SLC5A4: variants seen among roughly 807,000 people sequenced by gnomAD.
SLC5A4 encodes solute carrier family 5 member 4.
In SLC5A4, 55 loss-of-function variants were observed where a neutral mutation model predicts 70.3. That is an observed-to-expected ratio of 0.78 (90% CI 0.63 to 0.98). SLC5A4 has a LOEUF of 0.98. Among genes scored for constraint, SLC5A4 ranks in the 50% least tolerant of loss-of-function variants. The pLI, the probability that SLC5A4 is intolerant of heterozygous loss-of-function variation, is 0.00. For missense variants in SLC5A4, 735 were observed against 839.2 expected (o/e 0.88, Z 1.53); for synonymous variants, 268 against 305.7 (o/e 0.88, Z 1.29).
the SLC5A4 span, chr22:32,269,982 TCTC>T: frequency 2.1e-5 from 11 of 515,408 alleles, no homozygotes; most frequent in African/African-American, 1.2e-4. This position sits in a 1 kb window ranked among gnomAD's most constrained non-coding sequence, Gnocchi z 4.1. Context: ...TGGGCAACTC[TCTC>T]CTCCTCAAGT....
chr22:32,218,872 T>G, intron 14 of SLC5A4, 147 bp from the exon 15 acceptor site: 1 of 616,994 alleles, frequency 1.6e-6, no homozygotes, highest in Non-Finnish European at 2.7e-6. Context: ...GTAGATAAAT[T>G]TAATCATATA....
chr22:32,310,728 C>T, the SLC5A4 span, among the ~76,000 whole-genome samples: 4 of 152,272 alleles, frequency 2.6e-5, no homozygotes, highest in African/African-American at 4.8e-5. Context: ...AGCCACTTGA[C>T]CCGGCTGAGT....
chr22:32,342,325 C>T, the SLC5A4 span, among the ~76,000 whole-genome samples: 3 of 152,012 alleles, frequency 2.0e-5, no homozygotes, highest in Non-Finnish European at 2.9e-5. Context: ...AGCCTAAAAC[C>T]ACACAGAATA....
At chr22:32,259,570 A>T (rs1927655318), upstream of SLC5A4, among the ~76,000 whole-genome samples, 1 of 152,180 alleles carries the variant, frequency 6.6e-6, no homozygotes, top group African/African-American at 2.4e-5. Context: ...CTTGGTGTAT[A>T]ATTTAATATG....
At chr22:32,309,034 G>A in the SLC5A4 span, among the ~76,000 whole-genome samples, 1 of 152,112 alleles carries the variant, frequency 6.6e-6, no homozygotes, top group Non-Finnish European at 1.5e-5. Flanking sequence ...TGCCTCCTGT[G>A]TTCATGTTAT....
At chr22:32,336,384 T>C in the SLC5A4 span, among the ~76,000 whole-genome samples, 1 of 152,240 alleles carries the variant, frequency 6.6e-6, no homozygotes, top group Admixed American at 6.5e-5. Context: ...GCTGGCATCT[T>C]TGTTTGCACA....
At chr22:32,319,514 C>A in the SLC5A4 span, among the ~76,000 whole-genome samples, 1 of 152,224 alleles carries the variant, frequency 6.6e-6, no homozygotes, top group East Asian at 1.9e-4. Context: ...TTTGGGTCCC[C>A]AGCTTGCTAA....
upstream of SLC5A4, among the ~76,000 whole-genome samples, chr22:32,257,356 T>G (rs1191113762): frequency 6.6e-6 from 1 of 152,164 alleles, no homozygotes; most frequent in Non-Finnish European, 1.5e-5. Flanking sequence ...ATTGTAGAAT[T>G]TCCTTTTTAT....
upstream of SLC5A4, among the ~76,000 whole-genome samples, chr22:32,256,007 G>A (rs74279713): frequency 0.079 from 12,054 of 152,132 alleles, 768 homozygotes; most frequent in African/African-American, 0.18. Flanking sequence ...AAGACTCCTG[G>A]ACTACAGCCA....
At chr22:32,283,190 T>C in the SLC5A4 span, among the ~76,000 whole-genome samples, 2 of 152,244 alleles carry the variant, frequency 1.3e-5, no homozygotes, top group Non-Finnish European at 2.9e-5. Context: ...TCAGCCACAC[T>C]GCCCTCTTTC....
the SLC5A4 span, among the ~76,000 whole-genome samples, chr22:32,307,610 A>G: frequency 6.6e-6 from 1 of 152,182 alleles, no homozygotes; most frequent in East Asian, 1.9e-4. Context: ...CTGACTGCTT[A>G]ACATTTGAGC....
chr22:32,304,741 C>A, the SLC5A4 span, among the ~76,000 whole-genome samples: 1 of 152,202 alleles, frequency 6.6e-6, no homozygotes, highest in East Asian at 1.9e-4. Flanking sequence ...TAATGAAGTC[C>A]AACTTATCAA....
the SLC5A4 span, among the ~76,000 whole-genome samples, chr22:32,318,043 C>T: frequency 6.6e-6 from 1 of 152,108 alleles, no homozygotes; most frequent in Admixed American, 6.5e-5. Flanking sequence ...CTCACAGCAG[C>T]ATTGACTCAA....
chr22:32,254,575 C>G (rs555091373), intron 1 of SLC5A4, among the ~76,000 whole-genome samples: 2 of 152,016 alleles, frequency 1.3e-5, no homozygotes, highest in Non-Finnish European at 2.9e-5. Context: ...AGGGCCGAGG[C>G]GGGTGGATCA....
At position 32,241,827 on chromosome 22, in the gene SLC5A4, G is replaced by A. The variant is rs12170748; in HGVS notation, c.478-2737C>T. On this transcript the variant is annotated intron_variant, in intron 5 of 14. Coordinates refer to ENST00000266086, the MANE Select transcript of SLC5A4 (RefSeq NM_014227.3). Reference sequence around the variant, plus strand: ...TGTATATATATCTGTATGTGTGTGTGTATATATATATCTGTGTGTGTGTGT... The same window carrying A: ...TGTATATATATCTGTATGTGTGTGTATATATATATATCTGTGTGTGTGTGT... 9.0e-3 allele frequency among the ~76,000 whole-genome samples: 1,273 copies of A among 141,612 alleles called. 20 individuals are homozygous for A. Among genetic ancestry groups the A allele is most frequent in the African/African-American group, 0.034 (1,215 of 35,638 alleles). The allele number at this position is 141,612 out of a possible 152,430, so 92.9% of individuals were successfully genotyped here. A position where few individuals can be genotyped will look rare whatever the true frequency, so the allele number is the denominator to read the frequency against.
At chr22:32,312,006 C>A in the SLC5A4 span, among the ~76,000 whole-genome samples, 1 of 151,952 alleles carries the variant, frequency 6.6e-6, no homozygotes, top group African/African-American at 2.4e-5. Flanking sequence ...GCTTTTTCTG[C>A]AGCTTTTTCT....
At chr22:32,308,671 G>A in the SLC5A4 span, among the ~76,000 whole-genome samples, 13 of 152,052 alleles carry the variant, frequency 8.5e-5, no homozygotes, top group East Asian at 1.9e-4. Flanking sequence ...GAGGGGAGAT[G>A]CCACCCACCC....
the SLC5A4 span, among the ~76,000 whole-genome samples, chr22:32,333,014 G>A: frequency 0.056 from 8,572 of 152,268 alleles, 264 homozygotes; most frequent in South Asian, 0.085. Flanking sequence ...CAGATAGAAA[G>A]TCAAAGAGGT....
the SLC5A4 span, among the ~76,000 whole-genome samples, chr22:32,334,239 C>T: frequency 5.3e-5 from 8 of 152,272 alleles, no homozygotes; most frequent in South Asian, 1.7e-3. Flanking sequence ...CCCTCAGGAC[C>T]CACCTCTGCC....
Sources: gnomAD v4.1 joint callset for allele counts (sites outside exome capture counted in the v4.1 genomes callset) on GRCh38, gnomAD v4.1.1 for gene constraint, Gnocchi (gnomAD v3.1) non-coding constraint, MANE v1.5 for transcripts, NCBI Gene and HGNC (gene_info 2026-07-23, HGNC 2026-07-21) for gene names.